Variants in MAGT1 observed in about 807,000 individuals in gnomAD.
The protein encoded by MAGT1 is dolichyl-diphosphooligosaccharide--protein glycosyltransferase subunit MAGT1.
Under a neutral mutation model 28.4 loss-of-function variants are expected in MAGT1, and 4 were observed. That is an observed-to-expected ratio of 0.14 (90% CI 0.07 to 0.32). The LOEUF (loss-of-function observed/expected upper bound fraction) is 0.32. Ranked by LOEUF, MAGT1 falls within the 10% of genes least tolerant of loss-of-function variation. MAGT1 has a pLI of 1.00. For synonymous variants in MAGT1, 89 were observed against 89.7 expected, an observed-to-expected ratio of 0.99 and a Z score of 0.04; for missense variants, 193 against 264.5, an observed-to-expected ratio of 0.73 and a Z score of 1.88.
At chrX:77,843,838 A>AT (rs1195896245) in intron 7 of MAGT1, among the ~76,000 whole-genome samples, 2 of 110,556 alleles carry the variant, frequency 1.8e-5, no homozygotes, top group Non-Finnish European at 3.8e-5. Flanking sequence ...CTCCCCCAGT[A>AT]TTTTTTTGCC....
intron 2 of MAGT1, among the ~76,000 whole-genome samples, chrX:77,873,169 CTTTT>C (rs782003927): frequency 2.7e-5 from 3 of 111,860 alleles, no homozygotes; most frequent in African/African-American, 9.7e-5. Flanking sequence ...CCTTTTTCTT[CTTTT>C]ATTTATTTTT....
At chrX:77,839,520 T>TA in intron 8 of MAGT1, among the ~76,000 whole-genome samples, 1 of 100,557 alleles carries the variant, frequency 9.9e-6, no homozygotes, top group African/African-American at 3.6e-5. Flanking sequence ...ATTTTTTTTT[T>TA]TTTTTGAGAT....
chrX:77,839,326 C>A (rs1355068205), intron 8 of MAGT1, among the ~76,000 whole-genome samples: 4 of 105,426 alleles, frequency 3.8e-5, no homozygotes, highest in Non-Finnish European at 3.9e-5. Flanking sequence ...AACAACAAAA[C>A]CAATGAAACA....
intron 2 of MAGT1, among the ~76,000 whole-genome samples, chrX:77,872,139 C>T (rs782719415): frequency 1.6e-4 from 17 of 109,498 alleles, no homozygotes; most frequent in African/African-American, 5.3e-4. Flanking sequence ...GCCTCCCAGT[C>T]TCAAGCAATT....
chrX:77,867,820 G>C, intron 3 of MAGT1, among the ~76,000 whole-genome samples: 1 of 67,256 alleles, frequency 1.5e-5, no homozygotes, highest in South Asian at 6.4e-4. Context: ...GAAGTAAAAA[G>C]AAAACTTAAT....
At chrX:77,858,715 G>A (rs1306262279) in intron 3 of MAGT1, among the ~76,000 whole-genome samples, 1 of 111,133 alleles carries the variant, frequency 9.0e-6, no homozygotes, top group Non-Finnish European at 1.9e-5. Flanking sequence ...AGATTTATAT[G>A]CCTTGGTCAG....
chrX:77,829,595 G>A (rs949861419), intron 9 of MAGT1, among the ~76,000 whole-genome samples: 3 of 111,025 alleles, frequency 2.7e-5, no homozygotes, highest in African/African-American at 9.8e-5. Flanking sequence ...ACAGGCACAT[G>A]ACACTGCTAT....
intron 8 of MAGT1, among the ~76,000 whole-genome samples, chrX:77,832,822 C>CAAA (rs72197791): frequency 6.5e-4 from 21 of 32,341 alleles, no homozygotes; most frequent in South Asian, 4.2e-3. Context: ...GCCTCTGTCT[C>CAAA]AAAAAAAAAA....
chrX:77,842,047 A>G (rs782176365), intron 7 of MAGT1, among the ~76,000 whole-genome samples: 1 of 109,221 alleles, frequency 9.2e-6, no homozygotes, highest in Admixed American at 1.0e-4. Context: ...TTTGAAATAT[A>G]TATCATTTAG....
At chrX:77,865,861 C>T (rs144203532) in intron 3 of MAGT1, among the ~76,000 whole-genome samples, 36 of 108,916 alleles carry the variant, frequency 3.3e-4, no homozygotes, top group African/African-American at 1.1e-3. Context: ...TGCTGACATA[C>T]GAGAGTGCAT....
chrX:77,877,791 C>T (rs782097234), intron 1 of MAGT1, among the ~76,000 whole-genome samples: 2 of 103,348 alleles, frequency 1.9e-5, no homozygotes, highest in African/African-American at 3.6e-5. Context: ...CCAACGTGGG[C>T]GACAGAGTGA....
chrX:77,850,612 A>G (rs782298184), intron 7 of MAGT1, among the ~76,000 whole-genome samples: 37 of 110,079 alleles, frequency 3.4e-4, no homozygotes, highest in Non-Finnish European at 5.1e-4. Context: ...TACATGTCTG[A>G]CTCTGAAAAA....
intron 8 of MAGT1, among the ~76,000 whole-genome samples, chrX:77,840,032 G>T (rs1470390372): frequency 1.8e-5 from 2 of 111,026 alleles, no homozygotes; most frequent in African/African-American, 6.5e-5. Context: ...AACATCAAGA[G>T]AATTGAAAAT....
At chrX:77,887,690 G>C (rs1557219111) in intron 1 of MAGT1, among the ~76,000 whole-genome samples, 1 of 112,046 alleles carries the variant, frequency 8.9e-6, no homozygotes, top group Non-Finnish European at 1.9e-5. Context: ...AAATTATTAG[G>C]AAGAAACATA....
intron 1 of MAGT1, among the ~76,000 whole-genome samples, chrX:77,889,140 ATTTTTTTTTT>A (rs782124850): frequency 8.8e-5 from 6 of 68,302 alleles, no homozygotes; most frequent in Non-Finnish European, 1.4e-4. Context: ...ATGCTCTGCT[ATTTTTTTTTT>A]TTTTTTTTTT....
At chrX:77,848,529 G>C (rs1205561591) in intron 7 of MAGT1, among the ~76,000 whole-genome samples, 1 of 110,664 alleles carries the variant, frequency 9.0e-6, no homozygotes, top group Non-Finnish European at 1.9e-5. Flanking sequence ...AGATTTCTTT[G>C]TAATTTTTAT....
chrX:77,855,102 T>A (rs1420103794), intron 6 of MAGT1, among the ~76,000 whole-genome samples: 1 of 110,455 alleles, frequency 9.1e-6, no homozygotes, highest in African/African-American at 3.3e-5. Flanking sequence ...TCACCTGAGG[T>A]AGGGAGTTTG....
rs188919596 is a variant in MAGT1, at chrX:77,827,993, T to C, written c.*1227A>G. 5.4e-5 allele frequency: 6 copies of C among 110,856 alleles called. No individual in the cohort carries two copies. The East Asian group carries it at 8.7e-4, about 16-fold the overall frequency. 9.1% of individuals were successfully genotyped at this position (110,856 alleles called of 1,213,427 possible). ...TAATCCTGTATTTAGAGATACTTTTTTTTGAGACAGAGTCTCACTCTATCA... is the reference window on the plus strand; with the variant it reads ...TAATCCTGTATTTAGAGATACTTTTCTTTGAGACAGAGTCTCACTCTATCA... On this transcript the variant is annotated 3_prime_UTR_variant, in exon 10 of 10. Coordinates refer to ENST00000618282, the MANE Select transcript of MAGT1 (RefSeq NM_001367916.1).
chrX:77,857,079 A>G (rs949526736), intron 4 of MAGT1, among the ~76,000 whole-genome samples: 6 of 112,013 alleles, frequency 5.4e-5, no homozygotes, highest in Non-Finnish European at 7.5e-5. Flanking sequence ...TAACCACAAC[A>G]TAACATCTTT....
Sources: gnomAD v4.1 joint callset for allele counts (sites outside exome capture counted in the v4.1 genomes callset) on GRCh38, gnomAD v4.1.1 for gene constraint, MANE v1.5 for transcripts, NCBI Gene and HGNC (gene_info 2026-07-23, HGNC 2026-07-21) for gene names.